PREX2: variants seen among roughly 807,000 people sequenced by gnomAD.
PREX2 encodes phosphatidylinositol-3,4,5-trisphosphate dependent Rac exchange factor 2, also known as phosphatidylinositol 3,4,5-trisphosphate-dependent Rac exchanger 2 protein.
In PREX2, 107 loss-of-function variants were observed where a neutral mutation model predicts 203.2. The observed-to-expected ratio is 0.53, with a 90% CI of 0.45 to 0.62. PREX2 has a LOEUF of 0.62. PREX2 is among the 20% of genes least tolerant of loss of function. The pLI, the probability that PREX2 is intolerant of heterozygous loss-of-function variation, is 0.00. For missense variants in PREX2, 1,777 were observed against 1,955.9 expected (o/e 0.91, Z 1.72); for synonymous variants, 672 against 663.6 (o/e 1.01, Z -0.19).
At chr8:68,118,250 G>A (rs967685517) in intron 26 of PREX2, among the ~76,000 whole-genome samples, 2 of 151,752 alleles carry the variant, frequency 1.3e-5, no homozygotes, top group African/African-American at 4.8e-5. Flanking sequence ...AGCTACTCGG[G>A]AGGCTGAGGC....
At chr8:68,180,077 T>C (rs1261997788) in intron 35 of PREX2, among the ~76,000 whole-genome samples, 1 of 152,182 alleles carries the variant, frequency 6.6e-6, no homozygotes, top group Non-Finnish European at 1.5e-5. Flanking sequence ...TCATATCTGC[T>C]GAGTAATCTC....
At chr8:68,210,358 T>C (rs530316156) in intron 37 of PREX2, among the ~76,000 whole-genome samples, 1 of 152,338 alleles carries the variant, frequency 6.6e-6, no homozygotes, top group Admixed American at 6.5e-5. Flanking sequence ...TTTTATTTAA[T>C]GTGTTAGGGT....
At chr8:67,972,837 T>G (rs935014359) in intron 1 of PREX2, among the ~76,000 whole-genome samples, 1 of 152,218 alleles carries the variant, frequency 6.6e-6, no homozygotes, top group Non-Finnish European at 1.5e-5. Context: ...AGTGAAGATT[T>G]TGAATCCCAA....
At chr8:67,964,960 T>C (rs1436689938) in intron 1 of PREX2, among the ~76,000 whole-genome samples, 1 of 152,182 alleles carries the variant, frequency 6.6e-6, no homozygotes, top group Admixed American at 6.5e-5. Context: ...CGGACTCTTC[T>C]GGATTGTGGG....
intron 1 of PREX2, among the ~76,000 whole-genome samples, chr8:68,013,897 T>C (rs1807337164): frequency 6.6e-6 from 1 of 152,210 alleles, no homozygotes; most frequent in Admixed American, 6.5e-5. Flanking sequence ...TGCTGTATGA[T>C]ACAAAATTCA....
At chr8:68,057,428 C>T (rs1808713935) in intron 10 of PREX2, among the ~76,000 whole-genome samples, 2 of 152,140 alleles carry the variant, frequency 1.3e-5, no homozygotes, top group South Asian at 4.1e-4. Flanking sequence ...AATACGCTCC[C>T]CAACCCCCAA....
At chr8:68,015,419 A>G (rs1365801841) in intron 1 of PREX2, among the ~76,000 whole-genome samples, 3 of 152,226 alleles carry the variant, frequency 2.0e-5, no homozygotes, top group Non-Finnish European at 2.9e-5. Context: ...AAAAAGTTCC[A>G]TATTGTCACG....
At chr8:68,104,151 A>G (rs1810344051) in intron 23 of PREX2, among the ~76,000 whole-genome samples, 1 of 151,994 alleles carries the variant, frequency 6.6e-6, no homozygotes. Flanking sequence ...TTGTGGCTTT[A>G]CCTTCAAACA....
At chr8:68,189,288 G>A (rs1050219646) in intron 35 of PREX2, among the ~76,000 whole-genome samples, 1 of 152,156 alleles carries the variant, frequency 6.6e-6, no homozygotes, top group Non-Finnish European at 1.5e-5. Flanking sequence ...AATGAGGCAA[G>A]TTCCATGGCC....
chr8:68,084,877 C>A (rs186273913), intron 18 of PREX2, among the ~76,000 whole-genome samples: 97 of 152,238 alleles, frequency 6.4e-4, no homozygotes, highest in Non-Finnish European at 1.2e-3. Context: ...CCTGATTTAA[C>A]CCTACAAATA....
At chr8:68,141,123 G>A (rs1459987694) in intron 33 of PREX2, among the ~76,000 whole-genome samples, 2 of 152,132 alleles carry the variant, frequency 1.3e-5, no homozygotes, top group Non-Finnish European at 1.5e-5. Flanking sequence ...TGACCACTTC[G>A]TAATAAGGGA....
At chr8:68,077,549 A>G in intron 15 of PREX2, 80 bp downstream of exon 15, 1 of 1,048,926 alleles carries the variant, frequency 9.5e-7, no homozygotes, top group Non-Finnish European at 1.5e-6. Flanking sequence ...CCAGTGCTGC[A>G]GTGAGGTCAT....
At chr8:68,215,558 A>G (rs1020266580) in intron 37 of PREX2, among the ~76,000 whole-genome samples, 1 of 151,596 alleles carries the variant, frequency 6.6e-6, no homozygotes, top group Non-Finnish European at 1.5e-5. Flanking sequence ...TTTTTTTGAG[A>G]CAGAGTCTCG....
intron 10 of PREX2, among the ~76,000 whole-genome samples, chr8:68,057,966 A>C (rs1249606508): frequency 2.0e-5 from 3 of 152,186 alleles, no homozygotes; most frequent in Non-Finnish European, 4.4e-5. Context: ...GTTCATTGTG[A>C]TGCTATATGA....
At chr8:68,069,985 T>G in intron 13 of PREX2, 101 bp downstream of exon 13, 1 of 589,800 alleles carries the variant, frequency 1.7e-6, no homozygotes, top group Non-Finnish European at 3.0e-6. Flanking sequence ...TATTTTGTTT[T>G]TTTTCACTTT....
intron 1 of PREX2, among the ~76,000 whole-genome samples, chr8:67,960,296 C>A (rs191537930): frequency 6.6e-6 from 1 of 152,250 alleles, no homozygotes; most frequent in African/African-American, 2.4e-5. Context: ...CCCACCTCAG[C>A]CTCCCAAAGT....
At chr8:68,122,811 G>A (rs907517702) in intron 30 of PREX2, among the ~76,000 whole-genome samples, 1 of 152,088 alleles carries the variant, frequency 6.6e-6, no homozygotes, top group Admixed American at 6.6e-5. Context: ...TAATTGTATG[G>A]TTTTGAGTGA....
chr8:68,197,701 T>C (rs957885993), intron 37 of PREX2, among the ~76,000 whole-genome samples: 1 of 148,736 alleles, frequency 6.7e-6, no homozygotes, highest in South Asian at 2.1e-4. Context: ...ATTATATATA[T>C]ACAATATATA....
chr8:68,103,746 T>A, intron 23 of PREX2: 1 of 519,404 alleles, frequency 1.9e-6, no homozygotes, highest in Admixed American at 1.9e-5. Flanking sequence ...CTCTACTTGG[T>A]GGTTCTCCGT....
Sources: allele counts gnomAD v4.1 joint callset (sites outside exome capture counted in the v4.1 genomes callset), GRCh38; gene constraint gnomAD v4.1.1; transcripts MANE v1.5; gene names NCBI Gene and HGNC (gene_info 2026-07-23, HGNC 2026-07-21).